GLRB: variants seen among roughly 807,000 people sequenced by gnomAD.
The protein encoded by GLRB is glycine receptor beta, also known as glycine receptor subunit beta.
In GLRB, 33 loss-of-function variants were observed where a neutral mutation model predicts 54.2. The ratio of observed to expected loss-of-function variants is 0.61; its 90% CI spans 0.46 to 0.81. GLRB has a LOEUF of 0.81. Ranked by LOEUF, GLRB falls within the 40% of genes least tolerant of loss-of-function variation. The pLI is 0.00. For synonymous variants in GLRB, 209 were observed against 208.2 expected, an observed-to-expected ratio of 1.00 and a Z score of -0.03; for missense variants, 572 against 584.6, an observed-to-expected ratio of 0.98 and a Z score of 0.22.
chr4:157,113,020 T>C (rs1735478028), intron 2 of GLRB, among the ~76,000 whole-genome samples: 1 of 151,888 alleles, frequency 6.6e-6, no homozygotes, highest in Non-Finnish European at 1.5e-5. Context: ...TGGCCCAATA[T>C]CATGTGGGAA....
intron 2 of GLRB, among the ~76,000 whole-genome samples, chr4:157,107,632 G>A (rs148683134): frequency 1.2e-3 from 180 of 152,224 alleles, no homozygotes; most frequent in African/African-American, 4.0e-3. Flanking sequence ...TTGGAAGCTA[G>A]CAGAGGTTGG....
chr4:157,141,427 G>A (rs1736606119), intron 7 of GLRB, among the ~76,000 whole-genome samples: 1 of 151,724 alleles, frequency 6.6e-6, no homozygotes, highest in Non-Finnish European at 1.5e-5. Flanking sequence ...ATATATATAT[G>A]AGCAATATAT....
chr4:157,084,054 A>G (rs1001682274), intron 2 of GLRB, among the ~76,000 whole-genome samples: 1 of 152,190 alleles, frequency 6.6e-6, no homozygotes, highest in African/African-American at 2.4e-5. Flanking sequence ...AGAACATCCT[A>G]AAATAAACTT....
chr4:157,102,426 A>C (rs1169696400), intron 2 of GLRB, among the ~76,000 whole-genome samples: 1 of 152,102 alleles, frequency 6.6e-6, no homozygotes, highest in Non-Finnish European at 1.5e-5. Flanking sequence ...TATAATTAGA[A>C]TCATATGGTA....
chr4:157,170,673 T>C lies in GLRB; in HGVS notation c.1439T>C (p.Leu480Ser), dbSNP rs751698153. The change falls in exon 10 of 10, where the codon TTG becomes TCG. Residue 480 changes from leucine to serine, a missense_variant. Physicochemically the swap from Leu to Ser is moderately radical, Grantham distance 145. Coordinates refer to ENST00000264428, the MANE Select transcript of GLRB (RefSeq NM_000824.5). The stretch of plus-strand genomic sequence containing the variant: ...CGAATTGATCTTTATGCAAGAGCAT[T>C]GTTTCCTTTCTGCTTCTTGTTCTTC... ...AKRIDLYARA[L>S]FPFCFLFFNV... is the part of the protein sequence containing the mutation. The C allele has an allele frequency of 6.2e-7, 1 of 1,606,018 alleles. No individual in the cohort carries two copies. The highest frequency in any genetic ancestry group is 1.7e-5 in the Admixed American group (1 of 59,278).
intron 4 of GLRB, among the ~76,000 whole-genome samples, chr4:157,133,099 T>G (rs1736275841): frequency 6.6e-6 from 1 of 151,902 alleles, no homozygotes; most frequent in Non-Finnish European, 1.5e-5. Context: ...GGTAACATCT[T>G]TACAACAATA....
At chr4:157,166,012 G>A (rs1737694798) in intron 9 of GLRB, among the ~76,000 whole-genome samples, 1 of 151,900 alleles carries the variant, frequency 6.6e-6, no homozygotes. Flanking sequence ...TAATTATTCT[G>A]GTCAAGAAAT....
chr4:157,127,731 C>G (rs916480216), intron 4 of GLRB, among the ~76,000 whole-genome samples: 1 of 151,738 alleles, frequency 6.6e-6, no homozygotes, highest in African/African-American at 2.4e-5. Context: ...AGGAAGGGAC[C>G]ATGACTTAAG....
At chr4:157,129,533 G>A (rs1173110103) in intron 4 of GLRB, among the ~76,000 whole-genome samples, 1 of 151,672 alleles carries the variant, frequency 6.6e-6, no homozygotes, top group Non-Finnish European at 1.5e-5. Flanking sequence ...AGATACATAA[G>A]CTTGCTGGAA....
chr4:157,168,182 C>T (rs1400720419), intron 9 of GLRB, among the ~76,000 whole-genome samples: 1 of 151,800 alleles, frequency 6.6e-6, no homozygotes, highest in Non-Finnish European at 1.5e-5. Context: ...AAAGCCTGTC[C>T]GTACTTCTTG....
intron 2 of GLRB, among the ~76,000 whole-genome samples, chr4:157,107,285 T>G (rs1461632958): frequency 3.3e-5 from 5 of 152,080 alleles, no homozygotes; most frequent in African/African-American, 1.2e-4. Flanking sequence ...GCTGCATGTC[T>G]CTCACTTTAA....
At position 157,114,746 on chromosome 4, in the gene GLRB, C is replaced by T. The variant is rs1367714851; in HGVS notation, c.123-5810C>T. Among the ~76,000 whole-genome samples, 10 of 151,808 alleles carry T rather than the reference C, an allele frequency of 6.6e-5. No homozygotes were observed. In the East Asian group the frequency reaches 7.8e-4, roughly 12 times the overall value. ...TGGATGTCCTTCAGATGGGATTTAT[C>T]GGATGTGTTTCCCATGACTAGACTA... On this transcript the variant is annotated intron_variant, in intron 2 of 9. Coordinates refer to ENST00000264428, the MANE Select transcript of GLRB (RefSeq NM_000824.5).
chr4:157,119,165 A>T (rs1020835650), intron 2 of GLRB, among the ~76,000 whole-genome samples: 7 of 151,672 alleles, frequency 4.6e-5, no homozygotes, highest in Non-Finnish European at 1.0e-4. Flanking sequence ...CATGACAAAT[A>T]TATATAGAAA....
At chr4:157,136,006 T>C (rs1025549385) in intron 4 of GLRB, among the ~76,000 whole-genome samples, 2 of 152,164 alleles carry the variant, frequency 1.3e-5, no homozygotes, top group African/African-American at 4.8e-5. Flanking sequence ...CATTCTTGAA[T>C]TAATTTTTGT....
chr4:157,098,445 A>C (rs1734893037), intron 2 of GLRB, among the ~76,000 whole-genome samples: 1 of 152,166 alleles, frequency 6.6e-6, no homozygotes, highest in South Asian at 2.1e-4. Flanking sequence ...TTATAGCAAT[A>C]AATGAGTCTG....
Position 157,170,651 on chromosome 4 carries a change from A to G in GLRB, c.1417A>G (p.Ile473Val), listed in dbSNP as rs1737886459. 1 of 1,610,548 alleles carries G rather than the reference A, an allele frequency of 6.2e-7. No individual in the cohort carries two copies. The highest frequency in any genetic ancestry group is 1.7e-5 in the Admixed American group (1 of 59,804). The change falls in exon 10 of 10, where the codon ATT becomes GTT. Residue 473 changes from isoleucine to valine, a missense_variant. Coordinates refer to ENST00000264428, the MANE Select transcript of GLRB (RefSeq NM_000824.5). ...KPVIPTAAKR[I>V]DLYARALFPF... ...TGTTATTCCAACAGCAGCAAAGCGAATTGATCTTTATGCAAGAGCATTGTT... is the reference window on the plus strand; with the variant it reads ...TGTTATTCCAACAGCAGCAAAGCGAGTTGATCTTTATGCAAGAGCATTGTT...
At chr4:157,123,197 A>T (rs1209481400) in intron 4 of GLRB, among the ~76,000 whole-genome samples, 1 of 151,736 alleles carries the variant, frequency 6.6e-6, no homozygotes. Context: ...AAGAAAGAAG[A>T]CCTAAGATTT....
At chr4:157,139,375 T>C (rs893133056) in intron 7 of GLRB, among the ~76,000 whole-genome samples, 5 of 152,066 alleles carry the variant, frequency 3.3e-5, no homozygotes, top group Admixed American at 3.3e-4. Context: ...ATTCTTAATT[T>C]TAAAAAGCAT....
chr4:157,126,109 A>G (rs748057846), intron 4 of GLRB, among the ~76,000 whole-genome samples: 3 of 151,856 alleles, frequency 2.0e-5, no homozygotes, highest in Non-Finnish European at 4.4e-5. Flanking sequence ...GGGGCAGCCC[A>G]TTTCATCAGT....
Sources: gnomAD v4.1 joint callset for allele counts (sites outside exome capture counted in the v4.1 genomes callset) on GRCh38, gnomAD v4.1.1 for gene constraint, MANE v1.5 for transcripts, NCBI Gene and HGNC (gene_info 2026-07-23, HGNC 2026-07-21) for gene names.